Variants in SPMIP9 observed in about 807,000 individuals in gnomAD.
SPMIP9 encodes the protein sperm microtubule inner protein 9, also known as protein SPMIP9.
At chr2:88,525,882 A>C in the SPMIP9 span, among the ~76,000 whole-genome samples, 1 of 151,458 alleles carries the variant, frequency 6.6e-6, no homozygotes, top group Non-Finnish European at 1.5e-5. Flanking sequence ...TTTACTCAGC[A>C]TGCACTTATT....
chr2:88,525,617 C>T, the SPMIP9 span: 1 of 1,614,144 alleles, frequency 6.2e-7, no homozygotes, highest in Admixed American at 1.7e-5. Context: ...CAGGGCTAAA[C>T]AACTTGTCTG....
the SPMIP9 span, chr2:88,525,621 T>C: frequency 3.7e-6 from 6 of 1,613,916 alleles, no homozygotes; most frequent in Non-Finnish European, 5.1e-6. Flanking sequence ...GCTAAACAAC[T>C]TGTCTGTGTC....
the SPMIP9 span, chr2:88,526,613 C>A: frequency 1.3e-6 from 1 of 771,552 alleles, no homozygotes; most frequent in Non-Finnish European, 2.2e-6. Flanking sequence ...ATATCCAATG[C>A]CAGGAGATAT....
chr2:88,525,549 G>C, the SPMIP9 span: 2 of 1,446,746 alleles, frequency 1.4e-6, no homozygotes, highest in Non-Finnish European at 1.9e-6. Flanking sequence ...AGCTGGGGCA[G>C]CCATGCTTGG....
chr2:88,524,891 CAGTGG>C, the SPMIP9 span: 1 of 152,270 alleles, frequency 6.6e-6, no homozygotes, highest in South Asian at 2.1e-4. Context: ...CCTGGGAATG[CAGTGG>C]AGTACCCCTT....
At chr2:88,528,156 GAGA>G in the SPMIP9 span, among the ~76,000 whole-genome samples, 1 of 65,996 alleles carries the variant, frequency 1.5e-5, no homozygotes, top group Non-Finnish European at 3.0e-5. Flanking sequence ...TTTTTTTTTT[GAGA>G]AGGAGTCTGG....
the SPMIP9 span, among the ~76,000 whole-genome samples, chr2:88,526,917 C>T: frequency 6.6e-6 from 1 of 152,110 alleles, no homozygotes; most frequent in Non-Finnish European, 1.5e-5. Context: ...CCACCTGCCT[C>T]GGCCTCCCAA....
At chr2:88,525,777 G>T in the SPMIP9 span, 5 of 1,163,848 alleles carry the variant, frequency 4.3e-6, no homozygotes, top group South Asian at 1.3e-5. Context: ...TTTCTGTAAT[G>T]ATAGTTTTGG....
chr2:88,529,407 T>C, the SPMIP9 span: 77 of 1,614,050 alleles, frequency 4.8e-5, no homozygotes, highest in Non-Finnish European at 4.2e-6. Context: ...TGTCCCTGTC[T>C]TCATTGCCAT....
At chr2:88,527,135 G>A in the SPMIP9 span, among the ~76,000 whole-genome samples, 2 of 151,962 alleles carry the variant, frequency 1.3e-5, no homozygotes, top group African/African-American at 2.4e-5. Flanking sequence ...TTGGTAACCC[G>A]CAAACTTACC....
At chr2:88,529,058 A>T in the SPMIP9 span, 1 of 1,610,326 alleles carries the variant, frequency 6.2e-7, no homozygotes, top group Non-Finnish European at 8.5e-7. Flanking sequence ...ACAGCAGGCA[A>T]AGCTCGATGC....
At chr2:88,527,882 T>G in the SPMIP9 span, among the ~76,000 whole-genome samples, 2 of 152,240 alleles carry the variant, frequency 1.3e-5, no homozygotes, top group Admixed American at 6.5e-5. Context: ...TTACTTCTGC[T>G]GCTCTGCAAT....
chr2:88,525,492 C>A, the SPMIP9 span: 1 of 830,294 alleles, frequency 1.2e-6, no homozygotes, highest in Non-Finnish European at 2.1e-6. Context: ...GATGGAGTGA[C>A]ATGCAGGGTA....
the SPMIP9 span, among the ~76,000 whole-genome samples, chr2:88,525,996 C>T: frequency 6.6e-6 from 1 of 152,200 alleles, no homozygotes; most frequent in Admixed American, 6.5e-5. Context: ...CATCACAGTA[C>T]ACCCTGCAAG....
chr2:88,526,881 T>C, the SPMIP9 span, among the ~76,000 whole-genome samples: 1 of 152,176 alleles, frequency 6.6e-6, no homozygotes, highest in East Asian at 1.9e-4. Flanking sequence ...CTGGCCAGGC[T>C]GATCTTGAAC....
At chr2:88,527,862 C>A in the SPMIP9 span, among the ~76,000 whole-genome samples, 2,622 of 152,262 alleles carry the variant, frequency 0.017, 58 homozygotes, top group African/African-American at 0.045. Flanking sequence ...TTATGGCCAG[C>A]AGGAGACAGT....
the SPMIP9 span, among the ~76,000 whole-genome samples, chr2:88,525,205 T>C: frequency 1.3e-5 from 2 of 152,196 alleles, no homozygotes; most frequent in Admixed American, 1.3e-4. Flanking sequence ...TCTGTGCAAC[T>C]CAGTGCCAAT....
At chr2:88,525,676 G>A in the SPMIP9 span, 31 of 1,614,070 alleles carry the variant, frequency 1.9e-5, no homozygotes, top group Non-Finnish European at 2.5e-5. Context: ...GGACAGGTGA[G>A]TGATGTGGGT....
chr2:88,525,711 G>T, the SPMIP9 span: 1 of 1,613,480 alleles, frequency 6.2e-7, no homozygotes, highest in East Asian at 2.2e-5. Flanking sequence ...ACGGTCTCAG[G>T]GTTGGGTAGC....
Sources: gnomAD v4.1 joint callset for allele counts (sites outside exome capture counted in the v4.1 genomes callset) on GRCh38, gnomAD v4.1.1 for gene constraint, MANE v1.5 for transcripts, NCBI Gene and HGNC (gene_info 2026-07-23, HGNC 2026-07-21) for gene names.